FRMPD4: variants seen among roughly 807,000 people sequenced by gnomAD.
The protein encoded by FRMPD4 is FERM and PDZ domain-containing protein 4.
Under a neutral mutation model 94.1 loss-of-function variants are expected in FRMPD4, and 22 were observed. The ratio of observed to expected loss-of-function variants is 0.23; its 90% CI spans 0.17 to 0.33. FRMPD4 has a LOEUF of 0.33. FRMPD4 is among the 10% of genes least tolerant of loss of function. The pLI, the probability that FRMPD4 is intolerant of heterozygous loss-of-function variation, is 1.00. For synonymous variants in FRMPD4, 631 were observed against 548.6 expected (o/e 1.15, Z -2.10); for missense variants, 1,111 against 1,339.9 (o/e 0.83, Z 2.67).
chrX:11,842,479 G>A (rs2053543479), intron 1 of FRMPD4, among the ~76,000 whole-genome samples: 1 of 90,748 alleles, frequency 1.1e-5, no homozygotes, highest in Non-Finnish European at 2.1e-5. Context: ...TTGTAAGTTG[G>A]ATTCCTAGGT....
At chrX:12,250,050 G>C (rs5933974) in intron 1 of FRMPD4, among the ~76,000 whole-genome samples, 1,328 of 34,329 alleles carry the variant, frequency 0.039, 12 homozygotes, top group African/African-American at 0.058. Flanking sequence ...CTCTCTCTCT[G>C]TGTGTGTGTG....
intron 3 of FRMPD4, among the ~76,000 whole-genome samples, chrX:12,010,808 T>C (rs1161456004): frequency 2.7e-5 from 3 of 112,233 alleles, no homozygotes; most frequent in African/African-American, 9.7e-5. Context: ...GAAAGTCTTC[T>C]AGGAGATTGT....
intron 4 of FRMPD4, among the ~76,000 whole-genome samples, chrX:12,618,589 T>C (rs2059257879): frequency 9.0e-6 from 1 of 110,842 alleles, no homozygotes; most frequent in South Asian, 3.9e-4. Context: ...AGATCTTTCC[T>C]TTGACCCTAG....
At chrX:11,824,954 T>TA (rs200166478) in intron 1 of FRMPD4, among the ~76,000 whole-genome samples, 4,879 of 96,779 alleles carry the variant, frequency 0.05, 110 homozygotes, top group Non-Finnish European at 0.068. Flanking sequence ...AGAGAATGGT[T>TA]AAAAAAAAAA....
rs1317410308 is a variant in FRMPD4, at chrX:12,723,723, C to T, written c.*1865C>T. The T allele has an allele frequency of 9.0e-6, 1 of 111,103 alleles. No individual in the cohort carries two copies. The highest frequency in any genetic ancestry group is 2.8e-4 in the East Asian group (1 of 3,567). 9.2% of individuals were successfully genotyped at this position (111,103 alleles called of 1,213,427 possible). On this transcript the variant is annotated 3_prime_UTR_variant, in exon 17 of 17. Transcript: ENST00000675598. ...ATATTATCTCATTTAATCATCACAACAATCTGCTGGTTTGGACACTATTCT... is the reference window on the plus strand; with the variant it reads ...ATATTATCTCATTTAATCATCACAATAATCTGCTGGTTTGGACACTATTCT...
At chrX:12,600,175 C>A (rs1483247317) in intron 2 of FRMPD4, among the ~76,000 whole-genome samples, 1 of 109,913 alleles carries the variant, frequency 9.1e-6, no homozygotes, top group East Asian at 2.8e-4. Context: ...AAGAGGCAAA[C>A]GGACAAAGTA....
chrX:12,583,948 G>C, intron 2 of FRMPD4, among the ~76,000 whole-genome samples: 1 of 111,616 alleles, frequency 9.0e-6, no homozygotes, highest in Admixed American at 9.5e-5. Flanking sequence ...TGCCTCACAC[G>C]TTCCAAAGGA....
At chrX:12,615,745 T>G (rs1166319339) in intron 4 of FRMPD4, among the ~76,000 whole-genome samples, 1 of 111,183 alleles carries the variant, frequency 9.0e-6, no homozygotes, top group African/African-American at 3.3e-5. Flanking sequence ...TTCCTAACAT[T>G]TATGCTCACT....
intron 1 of FRMPD4, among the ~76,000 whole-genome samples, chrX:11,839,421 AC>A (rs1356108905): frequency 9.0e-6 from 1 of 111,182 alleles, no homozygotes; most frequent in Admixed American, 9.6e-5. Flanking sequence ...TAAGTCTTTT[AC>A]CCATTTTTAA....
chrX:11,899,383 CTTTTT>C (rs36015171), intron 3 of FRMPD4, among the ~76,000 whole-genome samples: 1 of 82,720 alleles, frequency 1.2e-5, no homozygotes, highest in Non-Finnish European at 2.4e-5. Flanking sequence ...GTGATGTTGA[CTTTTT>C]TTTTTTTTTT....
intron 1 of FRMPD4, among the ~76,000 whole-genome samples, chrX:12,268,926 A>G (rs1032457435): frequency 8.9e-6 from 1 of 112,373 alleles, no homozygotes; most frequent in African/African-American, 3.2e-5. Context: ...TCATAGAATG[A>G]TCATTGAAAA....
At chrX:11,873,716 T>TA (rs1569115798) in intron 2 of FRMPD4, among the ~76,000 whole-genome samples, 11 of 107,952 alleles carry the variant, frequency 1.0e-4, no homozygotes, top group South Asian at 4.0e-4. Context: ...TTTTTTTTTT[T>TA]TAAAAAAAAG....
At chrX:12,696,026 G>A (rs1452180333) in intron 9 of FRMPD4, among the ~76,000 whole-genome samples, 4 of 112,310 alleles carry the variant, frequency 3.6e-5, no homozygotes, top group Admixed American at 2.8e-4. Context: ...GTGAGCCACC[G>A]CGCCCAGCCC....
intron 1 of FRMPD4, among the ~76,000 whole-genome samples, chrX:12,486,638 G>A (rs2148204466): frequency 8.9e-6 from 1 of 112,524 alleles, no homozygotes; most frequent in South Asian, 3.7e-4. Flanking sequence ...CCGTACTGTG[G>A]AAATCATTAT....
intron 1 of FRMPD4, among the ~76,000 whole-genome samples, chrX:12,269,177 A>G (rs961025233): frequency 2.7e-5 from 3 of 111,471 alleles, no homozygotes; most frequent in Non-Finnish European, 3.8e-5. Context: ...TCCACAGTCT[A>G]TCAATAAAAT....
intron 3 of FRMPD4, among the ~76,000 whole-genome samples, chrX:11,885,107 G>A (rs891800419): frequency 8.9e-6 from 1 of 111,999 alleles, no homozygotes; most frequent in African/African-American, 3.2e-5. Context: ...ATTTATAATA[G>A]CCAAGAGGTA....
At chrX:12,191,233 C>T (rs2056487699) in intron 1 of FRMPD4, among the ~76,000 whole-genome samples, 2 of 112,060 alleles carry the variant, frequency 1.8e-5, no homozygotes, top group Non-Finnish European at 3.8e-5. Context: ...AGATCCAGAA[C>T]ACTGACAACA....
At chrX:12,266,744 T>A (rs1247495559) in intron 1 of FRMPD4, among the ~76,000 whole-genome samples, 1 of 111,677 alleles carries the variant, frequency 9.0e-6, no homozygotes, top group Non-Finnish European at 1.9e-5. Flanking sequence ...TGCATGCTTT[T>A]GTGTTTGCAT....
chrX:12,237,402 G>A (rs993533516), intron 1 of FRMPD4, among the ~76,000 whole-genome samples: 24 of 112,127 alleles, frequency 2.1e-4, no homozygotes, highest in Non-Finnish European at 4.1e-4. Flanking sequence ...GACTTGGTCT[G>A]TTTTAGTAGT....
Sources: allele counts gnomAD v4.1 joint callset (sites outside exome capture counted in the v4.1 genomes callset), GRCh38; gene constraint gnomAD v4.1.1; transcripts MANE v1.5; gene names NCBI Gene and HGNC (gene_info 2026-07-23, HGNC 2026-07-21).